ADCK1: variants seen among roughly 807,000 people sequenced by gnomAD.
ADCK1 encodes the protein aarF domain-containing protein kinase 1.
A neutral mutation model predicts 52.3 loss-of-function variants in ADCK1; 41 were observed. The observed-to-expected ratio is 0.78, with a 90% CI of 0.61 to 1.02. ADCK1 has a LOEUF of 1.02. Among genes scored for constraint, ADCK1 ranks in the 50% least tolerant of loss-of-function variants. The pLI is 0.00. For synonymous variants in ADCK1, 250 were observed against 274.6 expected, an observed-to-expected ratio of 0.91 and a Z score of 0.89; for missense variants, 658 against 679.5, an observed-to-expected ratio of 0.97 and a Z score of 0.35.
rs1046107097 is a variant in ADCK1, at chr14:77,892,567, G to A, written c.582+5318G>A. ...TGGCTCGCCCTCCTGAGCGAGCACC[G>A]CACGTAGTCCCAACACAGCTGCAAC... On this transcript the variant is annotated intron_variant, in intron 5 of 10. Transcript: ENST00000238561. 2.6e-5 allele frequency among the ~76,000 whole-genome samples: 4 copies of A among 151,046 alleles called. No individual in the cohort carries two copies. In the South Asian group the frequency reaches 6.3e-4, roughly 24 times the overall value.
intron 3 of ADCK1, among the ~76,000 whole-genome samples, chr14:77,837,682 C>T (rs2081990059): frequency 6.6e-6 from 1 of 152,218 alleles, no homozygotes; most frequent in African/African-American, 2.4e-5. Context: ...GTGGTCCATA[C>T]AGCATGGGGT....
intron 1 of ADCK1, among the ~76,000 whole-genome samples, chr14:77,809,481 C>T (rs60228583): frequency 0.1 from 15,390 of 151,736 alleles, 918 homozygotes; most frequent in African/African-American, 0.15. Context: ...AGACGTCCAC[C>T]ACCACGCCTG....
chr14:77,840,720 C>T (rs148156075), intron 3 of ADCK1, among the ~76,000 whole-genome samples: 6 of 151,842 alleles, frequency 4.0e-5, no homozygotes, highest in East Asian at 1.9e-4. Context: ...TGGTGGTGTG[C>T]GCCTGAAGTC....
intron 3 of ADCK1, among the ~76,000 whole-genome samples, chr14:77,838,597 C>T (rs2082006256): frequency 6.6e-6 from 1 of 152,112 alleles, no homozygotes. Flanking sequence ...GGGGTTTCAC[C>T]ATGTTGCCTA....
intron 3 of ADCK1, among the ~76,000 whole-genome samples, chr14:77,843,002 G>A (rs1383326793): frequency 1.3e-5 from 2 of 150,438 alleles, no homozygotes; most frequent in East Asian, 2.0e-4. Flanking sequence ...TGATTCTCCT[G>A]CCTCAGCCTC....
intron 1 of ADCK1, among the ~76,000 whole-genome samples, chr14:77,810,124 T>C (rs2081309622): frequency 6.7e-6 from 1 of 149,450 alleles, no homozygotes; most frequent in Non-Finnish European, 1.5e-5. Context: ...AGTTAATTAC[T>C]TTTTTTTTTC....
At chr14:77,933,119 G>A in intron 10 of ADCK1, 101 bp from the exon 11 acceptor site, 5 of 1,257,378 alleles carry the variant, frequency 4.0e-6, no homozygotes, top group Non-Finnish European at 5.5e-6. Flanking sequence ...GGGAGCTGGT[G>A]AGTTGGCCAA....
At chr14:77,921,332 A>AAAAAAAAAAAAAAAAAG (rs1317729928) in intron 7 of ADCK1, among the ~76,000 whole-genome samples, 1 of 134,904 alleles carries the variant, frequency 7.4e-6, no homozygotes, top group Non-Finnish European at 1.5e-5. Flanking sequence ...GTCTCAAAAA[A>AAAAAAAAAAAAAAAAAG]AAAAAAAAAA....
intron 3 of ADCK1, among the ~76,000 whole-genome samples, chr14:77,827,582 A>G (rs1247505690): frequency 6.7e-6 from 1 of 149,476 alleles, no homozygotes; most frequent in South Asian, 2.1e-4. Flanking sequence ...CTTTTTTTCT[A>G]TGGCCCTCAG....
At chr14:77,821,608 C>T (rs576282714) in intron 2 of ADCK1, among the ~76,000 whole-genome samples, 101 of 151,928 alleles carry the variant, frequency 6.6e-4, no homozygotes, top group Middle Eastern at 3.4e-3. Context: ...GGGCCAGGCG[C>T]GGTGGCTCAT....
In ADCK1 at chr14:77,933,600, CTCT is replaced by C. The variant is rs754548790; in HGVS notation, c.*216_*218del. 53 of 562,378 alleles carry C rather than the reference CTCT, an allele frequency of 9.4e-5. No homozygotes were observed. The highest frequency in any genetic ancestry group is 1.5e-4 in the Non-Finnish European group (49 of 322,000). 34.8% of individuals were successfully genotyped at this position (562,378 alleles called of 1,614,324 possible). A position where few individuals can be genotyped will look rare whatever the true frequency, so the allele number is the denominator to read the frequency against. On this transcript the variant is annotated 3_prime_UTR_variant, in exon 11 of 11. Coordinates refer to ENST00000238561, the MANE Select transcript of ADCK1 (RefSeq NM_020421.4). ...ACAAGCTGAACTGTGGCATAGCTCT[CTCT>C]TCTTCTCCAAGAAGACTCAGCAGCC...
At chr14:77,885,138 C>T (rs1277996518) in intron 4 of ADCK1, among the ~76,000 whole-genome samples, 1 of 152,140 alleles carries the variant, frequency 6.6e-6, no homozygotes, top group Non-Finnish European at 1.5e-5. Context: ...AAATCTTTGC[C>T]CACTTGGAGC....
chr14:77,813,778 G>GGT (rs1555346477), intron 1 of ADCK1, among the ~76,000 whole-genome samples: 2 of 142,202 alleles, frequency 1.4e-5, no homozygotes, highest in African/African-American at 5.2e-5. Context: ...TTTTTTTTTT[G>GGT]TTTTTTTTTT....
At chr14:77,818,591 T>G (rs904558909) in intron 1 of ADCK1, among the ~76,000 whole-genome samples, 1 of 152,188 alleles carries the variant, frequency 6.6e-6, no homozygotes, top group Non-Finnish European at 1.5e-5. Context: ...CTCTCTCTGC[T>G]TTTCTTGTCA....
chr14:77,895,856 C>T (rs148117116), intron 5 of ADCK1, among the ~76,000 whole-genome samples: 43 of 152,076 alleles, frequency 2.8e-4, no homozygotes, highest in African/African-American at 8.9e-4. Context: ...GGCTTCGTAG[C>T]GGGTATCAAG....
chr14:77,928,268 G>A (rs11621052), intron 9 of ADCK1, among the ~76,000 whole-genome samples: 1 of 152,140 alleles, frequency 6.6e-6, no homozygotes, highest in Non-Finnish European at 1.5e-5. Context: ...GGTAGTCAAC[G>A]GTTCTCTTGT....
chr14:77,807,479 T>TTACAGCCG (rs1020431615), intron 1 of ADCK1, among the ~76,000 whole-genome samples: 6 of 150,632 alleles, frequency 4.0e-5, no homozygotes, highest in Non-Finnish European at 7.4e-5. Context: ...GTAGCTGGGA[T>TTACAGCCG]TACAGCCGTG....
chr14:77,920,409 A>G (rs2084021950), intron 7 of ADCK1, among the ~76,000 whole-genome samples: 1 of 152,134 alleles, frequency 6.6e-6, no homozygotes, highest in Admixed American at 6.5e-5. Flanking sequence ...GTTGGCTGTA[A>G]GAATTTGGCT....
chr14:77,847,212 G>A (rs2082189543), intron 3 of ADCK1, among the ~76,000 whole-genome samples: 2 of 152,144 alleles, frequency 1.3e-5, no homozygotes, highest in South Asian at 4.1e-4. Flanking sequence ...AGAGTGAGGT[G>A]GGGAGTGTAA....
Sources: gnomAD v4.1 joint callset for allele counts (sites outside exome capture counted in the v4.1 genomes callset) on GRCh38, gnomAD v4.1.1 for gene constraint, MANE v1.5 for transcripts, NCBI Gene and HGNC (gene_info 2026-07-23, HGNC 2026-07-21) for gene names.